The following PTPRT variants were observed in gnomAD, a reference collection of about 807,000 sequenced individuals.
PTPRT encodes protein tyrosine phosphatase receptor type T, also known as receptor-type tyrosine-protein phosphatase T.
Under a neutral mutation model 176.8 loss-of-function variants are expected in PTPRT, and 56 were observed. The observed-to-expected ratio is 0.32, with a 90% CI of 0.26 to 0.40. The LOEUF (loss-of-function observed/expected upper bound fraction) is 0.40, where lower values mean the gene tolerates loss of function less well. Ranked by LOEUF, PTPRT falls within the 10% of genes least tolerant of loss-of-function variation. The pLI, the probability that PTPRT is intolerant of heterozygous loss-of-function variation, is 1.00. For missense variants in PTPRT, 1,540 were observed against 1,908.2 expected (o/e 0.81, Z 3.60); for synonymous variants, 783 against 739.0 (o/e 1.06, Z -0.96).
rs143045144 is a variant in PTPRT, at chr20:42,667,915, T to A, written c.1153+9951A>T. ...TCTATGTGACTTTTCAGATTTCTTA[T>A]CTATCCGGAGGTCTCACTAGTGCCA... On this transcript the variant is annotated intron_variant, in intron 7 of 30. Coordinates refer to ENST00000373187, the MANE Select transcript of PTPRT (RefSeq NM_007050.6). 2.9e-3 allele frequency among the ~76,000 whole-genome samples: 448 copies of A among 152,252 alleles called. 4 individuals carry two copies. The highest frequency in any genetic ancestry group is 0.01 in the Middle Eastern group (3 of 294).
At chr20:42,415,232 A>T (rs1186329033) in intron 9 of PTPRT, among the ~76,000 whole-genome samples, 1 of 152,176 alleles carries the variant, frequency 6.6e-6, no homozygotes, top group Non-Finnish European at 1.5e-5. Flanking sequence ...CTCAGGGTGG[A>T]GTGCAGTGGT....
intron 1 of PTPRT, among the ~76,000 whole-genome samples, chr20:43,097,310 C>A (rs981587155): frequency 6.6e-5 from 10 of 152,104 alleles, no homozygotes; most frequent in African/African-American, 2.2e-4. Context: ...CCTCTTTTTC[C>A]CCACTCAGAA....
intron 1 of PTPRT, among the ~76,000 whole-genome samples, chr20:43,145,273 T>G (rs1380851589): frequency 6.6e-6 from 1 of 152,242 alleles, no homozygotes; most frequent in East Asian, 1.9e-4. Context: ...CTTTATTTAT[T>G]GACTAGAATA....
intron 2 of PTPRT, among the ~76,000 whole-genome samples, chr20:42,838,262 T>C (rs899328244): frequency 6.6e-6 from 1 of 152,118 alleles, no homozygotes; most frequent in Non-Finnish European, 1.5e-5. Flanking sequence ...ATGTGATCCA[T>C]CCGCCTCAGC....
intron 1 of PTPRT, among the ~76,000 whole-genome samples, chr20:43,075,731 C>T (rs1392211992): frequency 1.3e-5 from 2 of 152,168 alleles, no homozygotes; most frequent in African/African-American, 4.8e-5. Flanking sequence ...GATGGAAGAA[C>T]TAACAGCAAA....
chr20:42,398,077 G>T (rs1178211308), intron 9 of PTPRT, among the ~76,000 whole-genome samples: 1 of 152,138 alleles, frequency 6.6e-6, no homozygotes, highest in Non-Finnish European at 1.5e-5. Context: ...GAAAGTAGCA[G>T]AGGTAGTATC....
intron 7 of PTPRT, among the ~76,000 whole-genome samples, chr20:42,592,765 CAT>C: frequency 6.6e-6 from 1 of 152,280 alleles, no homozygotes; most frequent in Admixed American, 6.5e-5. Context: ...TCCTGGTTTC[CAT>C]CATGAGGCCT....
At chr20:42,485,305 A>G (rs77482694) in intron 7 of PTPRT, among the ~76,000 whole-genome samples, 1,725 of 152,310 alleles carry the variant, frequency 0.011, 32 homozygotes, top group African/African-American at 0.039. Context: ...ATTCATTTAA[A>G]GAAATTAAAG....
intron 1 of PTPRT, among the ~76,000 whole-genome samples, chr20:42,947,618 C>CTTTA (rs757400102): frequency 5.3e-4 from 80 of 152,200 alleles, no homozygotes; most frequent in Non-Finnish European, 1.0e-3. Context: ...TTTCATATTA[C>CTTTA]AGTAAATAAA....
the PTPRT span, among the ~76,000 whole-genome samples, chr20:42,065,110 G>C: frequency 6.6e-6 from 1 of 152,186 alleles, no homozygotes; most frequent in African/African-American, 2.4e-5. Flanking sequence ...CCCAGTCAAG[G>C]CTTAAAGATG....
At chr20:42,971,915 A>G (rs1201352426) in intron 1 of PTPRT, among the ~76,000 whole-genome samples, 3 of 152,040 alleles carry the variant, frequency 2.0e-5, no homozygotes, top group African/African-American at 7.2e-5. Context: ...ACAGACAGAC[A>G]AGGCCTTTGC....
rs34045854 is a variant in PTPRT at position 42,299,641 on chromosome 20, C to CTTTTTTTTTT, written c.2139+16072_2139+16081dup. 1.2e-4 allele frequency among the ~76,000 whole-genome samples: 10 copies of CTTTTTTTTTT among 85,988 alleles called. 1 individual carries two copies. The highest frequency in any genetic ancestry group is 1.5e-4 in the Admixed American group (1 of 6,596). The allele number at this position is 85,988 out of a possible 152,430, so 56.4% of individuals were successfully genotyped here. ...GAATGGAGGTATCATGAACTTTTGC[C>CTTTTTTTTTT]TTTTTTTTTTTTTTTTTTTTTTTGA... On this transcript the variant is annotated intron_variant, in intron 12 of 30. Transcript: ENST00000373187.
chr20:43,008,796 C>A (rs150335242), intron 1 of PTPRT, among the ~76,000 whole-genome samples: 1 of 152,306 alleles, frequency 6.6e-6, no homozygotes, highest in Admixed American at 6.5e-5. Flanking sequence ...AAGATACAGG[C>A]TCCTAGTGAG....
intron 1 of PTPRT, among the ~76,000 whole-genome samples, chr20:43,174,271 C>T (rs1001439841): frequency 2.0e-5 from 3 of 152,162 alleles, no homozygotes; most frequent in Non-Finnish European, 4.4e-5. Context: ...TGACCTAGGG[C>T]TTGCTACTTA....
At chr20:42,643,779 T>A (rs1002177304) in intron 7 of PTPRT, among the ~76,000 whole-genome samples, 1 of 152,060 alleles carries the variant, frequency 6.6e-6, no homozygotes, top group Non-Finnish European at 1.5e-5. Context: ...GAGCTCCTCA[T>A]ACCAAGCTGC....
chr20:42,932,251 C>G (rs1458366653), intron 1 of PTPRT, among the ~76,000 whole-genome samples: 1 of 152,228 alleles, frequency 6.6e-6, no homozygotes, highest in African/African-American at 2.4e-5. Context: ...ATCTGGACCT[C>G]CCCATGAGGA....
intron 9 of PTPRT, among the ~76,000 whole-genome samples, chr20:42,367,975 C>A (rs1385584642): frequency 6.6e-6 from 1 of 152,212 alleles, no homozygotes; most frequent in Admixed American, 6.5e-5. Context: ...ACCATAGATG[C>A]AGGATGCAGG....
chr20:43,070,449 A>C (rs2011165070), intron 1 of PTPRT, among the ~76,000 whole-genome samples: 3 of 152,172 alleles, frequency 2.0e-5, no homozygotes. Context: ...TAGAAATACC[A>C]TTTGACCCAG....
At chr20:42,352,386 AG>A in intron 9 of PTPRT, 101 bp from the exon 10 acceptor site, 1 of 1,174,398 alleles carries the variant, frequency 8.5e-7, no homozygotes, top group Non-Finnish European at 1.2e-6. Flanking sequence ...GGGAAGGGGC[AG>A]GCATGTGAAC....
Sources: gnomAD v4.1 joint callset for allele counts (sites outside exome capture counted in the v4.1 genomes callset) on GRCh38, gnomAD v4.1.1 for gene constraint, MANE v1.5 for transcripts, NCBI Gene and HGNC (gene_info 2026-07-23, HGNC 2026-07-21) for gene names.